The following TEX11 variants were observed in gnomAD, a reference collection of about 807,000 sequenced individuals.
TEX11 encodes testis expressed 11.
In TEX11, 7 loss-of-function variants were observed where a neutral mutation model predicts 84.4. The ratio of observed to expected loss-of-function variants is 0.08; its 90% CI spans 0.05 to 0.16. The LOEUF (loss-of-function observed/expected upper bound fraction) is 0.16. Ranked by LOEUF, TEX11 falls within the 10% of genes least tolerant of loss-of-function variation. The pLI, the probability that TEX11 is intolerant of heterozygous loss-of-function variation, is 1.00. For missense variants in TEX11, 551 were observed against 660.5 expected, an observed-to-expected ratio of 0.83 and a Z score of 1.82; for synonymous variants, 264 against 222.8, an observed-to-expected ratio of 1.18 and a Z score of -1.64.
chrX:70,824,817 A>G (rs1452909473), intron 8 of TEX11, among the ~76,000 whole-genome samples: 1 of 112,115 alleles, frequency 8.9e-6, no homozygotes, highest in Non-Finnish European at 1.9e-5. Flanking sequence ...ACCTCTGCCA[A>G]GTACCAGGAC....
chrX:70,731,669 A>C (rs1215577330), intron 11 of TEX11, among the ~76,000 whole-genome samples: 3 of 111,367 alleles, frequency 2.7e-5, no homozygotes, highest in African/African-American at 9.8e-5. Flanking sequence ...TCAATAGCTT[A>C]CCAACCAAAA....
chrX:70,733,102 T>C lies in TEX11; in HGVS notation c.843+7599A>G, dbSNP rs1339979650. Among the ~76,000 whole-genome samples the C allele has an allele frequency of 4.5e-5, 5 of 111,967 alleles. No homozygotes were observed. In the Admixed American group the frequency reaches 4.8e-4, roughly 11 times the overall value. On this transcript the variant is annotated intron_variant, in intron 11 of 29. Transcript: ENST00000374333. ...GCTGGGAAAACTGGCTAGCCATATG[T>C]AGAAAGCTGAAACTGGATCCCTTCC...
intron 17 of TEX11, among the ~76,000 whole-genome samples, chrX:70,648,100 C>A (rs921355470): frequency 5.4e-5 from 6 of 111,554 alleles, no homozygotes; most frequent in African/African-American, 2.0e-4. Flanking sequence ...ATGATGAATT[C>A]ATGTCCTTTG....
chrX:70,566,217 G>A (rs1270969572), intron 25 of TEX11, among the ~76,000 whole-genome samples: 1 of 101,509 alleles, frequency 9.9e-6, no homozygotes, highest in Non-Finnish European at 2.0e-5. Flanking sequence ...TCTGTTATTG[G>A]TGTATAAGAA....
chrX:70,728,147 C>G (rs1383498478), intron 11 of TEX11, among the ~76,000 whole-genome samples: 2 of 112,689 alleles, frequency 1.8e-5, no homozygotes, highest in Non-Finnish European at 3.8e-5. Flanking sequence ...TGAATCAGCA[C>G]CATCTGGGAA....
chrX:70,517,552 A>G, the TEX11 span, among the ~76,000 whole-genome samples: 1 of 111,326 alleles, frequency 9.0e-6, no homozygotes, highest in Non-Finnish European at 1.9e-5. Flanking sequence ...TTTTGCATCA[A>G]TGTTCACCAG....
chrX:70,537,616 C>T (rs1371522193), intron 28 of TEX11, among the ~76,000 whole-genome samples: 1 of 110,907 alleles, frequency 9.0e-6, no homozygotes, highest in Non-Finnish European at 1.9e-5. Flanking sequence ...GGTAGTTAGA[C>T]TGGACTATAA....
At chrX:70,829,481 C>CAAA (rs60664977) in intron 8 of TEX11, among the ~76,000 whole-genome samples, 5 of 72,862 alleles carry the variant, frequency 6.9e-5, no homozygotes, top group African/African-American at 2.6e-4. Flanking sequence ...CATTCCGTCT[C>CAAA]AAAAAAAAAA....
chrX:70,634,911 T>C (rs1175099664), intron 17 of TEX11, among the ~76,000 whole-genome samples: 2 of 111,926 alleles, frequency 1.8e-5, no homozygotes, highest in Non-Finnish European at 1.9e-5. Flanking sequence ...GAAAAATAAA[T>C]AGGACTATGT....
intron 15 of TEX11, among the ~76,000 whole-genome samples, chrX:70,670,898 A>T (rs1361122570): frequency 8.9e-6 from 1 of 112,129 alleles, no homozygotes; most frequent in East Asian, 2.8e-4. Flanking sequence ...TCTATGTTCA[A>T]TTTTAACTGT....
At chrX:70,655,382 G>A (rs987545607) in intron 16 of TEX11, among the ~76,000 whole-genome samples, 1 of 111,373 alleles carries the variant, frequency 9.0e-6, no homozygotes, top group Non-Finnish European at 1.9e-5. Flanking sequence ...TTATGACAGG[G>A]TTATGGTTTC....
In TEX11 at chrX:70,742,891, C is replaced by T. The variant is rs1028751081; in HGVS notation, c.747+1274G>A. On this transcript the variant is annotated intron_variant, in intron 10 of 29. Transcript: ENST00000374333. Reference sequence around the variant, plus strand: ...GGGACTACAGGTACACACCACTGCACCCGGCTCCATGACCATCTTAAACAT... The same window carrying T: ...GGGACTACAGGTACACACCACTGCATCCGGCTCCATGACCATCTTAAACAT... Among the ~76,000 whole-genome samples the T allele has an allele frequency of 2.7e-5, 3 of 110,904 alleles. No homozygotes were observed. In the Admixed American group the frequency reaches 2.9e-4, roughly 11 times the overall value.
intron 3 of TEX11, among the ~76,000 whole-genome samples, chrX:70,876,166 G>A (rs2147870262): frequency 8.9e-6 from 1 of 112,022 alleles, no homozygotes; most frequent in Non-Finnish European, 1.9e-5. Flanking sequence ...TTAAAATGTT[G>A]GGAAAACAGA....
chrX:70,817,506 G>A (rs1022833241), intron 8 of TEX11, among the ~76,000 whole-genome samples: 4 of 111,875 alleles, frequency 3.6e-5, no homozygotes, highest in Non-Finnish European at 7.5e-5. Context: ...CCGGGAAATC[G>A]AGGCTGCAGT....
At chrX:70,840,479 G>A (rs1445723830) in intron 7 of TEX11, among the ~76,000 whole-genome samples, 2 of 111,661 alleles carry the variant, frequency 1.8e-5, no homozygotes, top group African/African-American at 6.5e-5. Context: ...CCTGAAGGAA[G>A]CGCTAAACAT....
chrX:70,813,773 G>A (rs1435847975), intron 8 of TEX11, among the ~76,000 whole-genome samples: 9 of 111,730 alleles, frequency 8.1e-5, no homozygotes, highest in South Asian at 3.8e-4. Context: ...AAATCAATGT[G>A]CAAAAATCAC....
At chrX:70,682,603 T>C (rs1025195773) in intron 14 of TEX11, 71 bp downstream of exon 14, 14 of 1,077,889 alleles carry the variant, frequency 1.3e-5, no homozygotes, top group Non-Finnish European at 1.8e-5. Flanking sequence ...AGGATTTTGC[T>C]ATTACTCTGA....
At chrX:70,578,346 G>A (rs961424321) in intron 25 of TEX11, among the ~76,000 whole-genome samples, 1 of 111,825 alleles carries the variant, frequency 8.9e-6, no homozygotes, top group Non-Finnish European at 1.9e-5. Context: ...TTGGACTAAC[G>A]GATTATCTAG....
At position 70,563,680 on chromosome X, in the gene TEX11, G is replaced by A. The variant is rs191063972; in HGVS notation, c.2141-8880C>T. On this transcript the variant is annotated intron_variant, in intron 25 of 29. Transcript: ENST00000374333. ...GTTTGTTTTCAAGTAATGTTTATCA[G>A]ATTGAGGAAGTGACTTTCTATTCCT... 2.7e-3 allele frequency among the ~76,000 whole-genome samples: 309 copies of A among 112,449 alleles called. 3 individuals are homozygous for A. Among genetic ancestry groups the A allele is most frequent in the African/African-American group, 9.3e-3 (288 of 31,010 alleles).
Sources: allele counts gnomAD v4.1 joint callset (sites outside exome capture counted in the v4.1 genomes callset), GRCh38; gene constraint gnomAD v4.1.1; transcripts MANE v1.5; gene names NCBI Gene and HGNC (gene_info 2026-07-23, HGNC 2026-07-21).